Variants in KCNN2 observed in about 807,000 individuals in gnomAD.
KCNN2 encodes potassium calcium-activated channel subfamily N member 2.
KCNN2 carries 24 observed loss-of-function variants against 55.5 expected under a neutral mutation model. The ratio of observed to expected loss-of-function variants is 0.43; its 90% CI spans 0.31 to 0.61. KCNN2 has a LOEUF of 0.61. KCNN2 is among the 20% of genes least tolerant of loss of function. The pLI, the probability that KCNN2 is intolerant of heterozygous loss-of-function variation, is 0.08. For missense variants in KCNN2, 754 were observed against 853.6 expected, an observed-to-expected ratio of 0.88 and a Z score of 1.45; for synonymous variants, 431 against 336.1, an observed-to-expected ratio of 1.28 and a Z score of -3.09.
intron 1 of KCNN2, among the ~76,000 whole-genome samples, chr5:114,084,167 A>G (rs1750962859): frequency 6.6e-6 from 1 of 152,076 alleles, no homozygotes; most frequent in Non-Finnish European, 1.5e-5. Context: ...GTTCAGACAT[A>G]TGCTTTCAAG....
chr5:114,398,979 C>T (rs923005202), intron 2 of KCNN2, among the ~76,000 whole-genome samples: 13 of 152,160 alleles, frequency 8.5e-5, no homozygotes, highest in African/African-American at 3.1e-4. Flanking sequence ...AAAATCATGT[C>T]ACCTGCAAAC....
At chr5:114,477,709 C>G (rs1762032902) in intron 5 of KCNN2, among the ~76,000 whole-genome samples, 1 of 152,076 alleles carries the variant, frequency 6.6e-6, no homozygotes, top group African/African-American at 2.4e-5. Flanking sequence ...TCTGAGCAAA[C>G]AGGAAATCTT....
chr5:114,475,571 C>T (rs1463332925), intron 5 of KCNN2, among the ~76,000 whole-genome samples: 1 of 151,734 alleles, frequency 6.6e-6, no homozygotes, highest in Non-Finnish European at 1.5e-5. Flanking sequence ...ATATGGTTGT[C>T]ATGCTATGTT....
chr5:114,233,843 C>T (rs1203293844), intron 2 of KCNN2, among the ~76,000 whole-genome samples: 1 of 152,092 alleles, frequency 6.6e-6, no homozygotes, highest in African/African-American at 2.4e-5. Flanking sequence ...TTCCATTTTT[C>T]TTCTCTGTTC....
At chr5:114,392,656 A>G (rs941368849) in intron 2 of KCNN2, among the ~76,000 whole-genome samples, 3 of 152,086 alleles carry the variant, frequency 2.0e-5, no homozygotes, top group Admixed American at 2.0e-4. Context: ...CAACGAGACC[A>G]TTGAAAAGTC....
chr5:114,099,450 G>A (rs906220135), intron 1 of KCNN2, among the ~76,000 whole-genome samples: 4 of 152,086 alleles, frequency 2.6e-5, no homozygotes, highest in Admixed American at 1.3e-4. Flanking sequence ...GAAAAGTTAA[G>A]ACTATTATTA....
rs188127149 is a variant in KCNN2 at position 114,125,213 on chromosome 5, A to C, written c.-271+68713A>C. The stretch of plus-strand genomic sequence containing the variant: ...TTTGTACCCTCATGGTAGGTGTTAG[A>C]CTAAAAGTTAAACAAATAAAAACTC... On this transcript the variant is annotated intron_variant, in intron 1 of 10. Coordinates refer to the KCNN2 transcript ENST00000512097. Among the ~76,000 whole-genome samples the C allele has an allele frequency of 3.6e-3, 553 of 152,316 alleles. 3 individuals are homozygous for C. Among genetic ancestry groups the C allele is most frequent in the African/African-American group, 0.012 (509 of 41,576 alleles).
At chr5:114,423,760 C>A (rs918694120) in intron 3 of KCNN2, among the ~76,000 whole-genome samples, 3 of 152,118 alleles carry the variant, frequency 2.0e-5, no homozygotes, top group Non-Finnish European at 2.9e-5. Context: ...AAGGGACAAG[C>A]AAACAGGTCA....
chr5:114,343,475 G>A (rs1561578471), intron 2 of KCNN2, among the ~76,000 whole-genome samples: 1 of 152,034 alleles, frequency 6.6e-6, no homozygotes, highest in Non-Finnish European at 1.5e-5. Flanking sequence ...ATAAGAGGTA[G>A]GATTTAGAGG....
At chr5:114,442,974 G>GTT (rs80347008) in intron 3 of KCNN2, among the ~76,000 whole-genome samples, 10 of 151,654 alleles carry the variant, frequency 6.6e-5, no homozygotes, top group East Asian at 2.0e-4. Flanking sequence ...TTTTAAAGGT[G>GTT]TTTTTTTCAC....
At chr5:114,478,679 C>G (rs1762085716) in intron 5 of KCNN2, among the ~76,000 whole-genome samples, 1 of 152,110 alleles carries the variant, frequency 6.6e-6, no homozygotes, top group African/African-American at 2.4e-5. Context: ...TGAAATAAAA[C>G]CCGTCTGACT....
At chr5:114,170,408 A>C (rs1324859547) in intron 1 of KCNN2, among the ~76,000 whole-genome samples, 15 of 152,160 alleles carry the variant, frequency 9.9e-5, no homozygotes. Context: ...TGACTAGTAA[A>C]ATTTTTTTCA....
At chr5:114,110,809 T>G (rs1580523062) in intron 1 of KCNN2, among the ~76,000 whole-genome samples, 1 of 152,224 alleles carries the variant, frequency 6.6e-6, no homozygotes, top group East Asian at 1.9e-4. Context: ...AGACAGCTAC[T>G]TATCTTTCAA....
Position 114,356,049 on chromosome 5 carries a change from A to G in KCNN2, c.-184-4896A>G, listed in dbSNP as rs374310324. On this transcript the variant is annotated intron_variant, in intron 2 of 10. Transcript: ENST00000512097. ...AGGAAATGTCTGTGAGGCCCTTCAC[A>G]GGTAGTTTCTACTAATGAGAGGCGA... 3.9e-5 allele frequency among the ~76,000 whole-genome samples: 6 copies of G among 152,240 alleles called. No individual in the cohort carries two copies. In the East Asian group the frequency reaches 1.2e-3, roughly 29 times the overall value.
Position 114,496,134 on chromosome 5 carries a change from G to A in KCNN2, c.2328G>A (p.Arg776=). The A allele has an allele frequency of 6.2e-7, 1 of 1,614,032 alleles. No individual in the cohort carries two copies. Among genetic ancestry groups the A allele is most frequent in the Non-Finnish European group, 8.5e-7 (1 of 1,179,964 alleles). ...NAERSRSSSR[R]RRSSSTAPPT... ...AGCGGTCCCGGTCCTCGTCCAGGAG[G>A]CGGCGGTCCTCTTCCACAGCACCAC... is the stretch of plus-strand genomic sequence containing the variant. Residue 776 remains arginine (R), a synonymous_variant, in exon 8 of 8, where the codon AGG becomes AGA. Coordinates refer to ENST00000673685, the MANE Select transcript of KCNN2 (RefSeq NM_021614.4).
chr5:114,162,797 G>A (rs1352645795), intron 1 of KCNN2, among the ~76,000 whole-genome samples: 6 of 152,136 alleles, frequency 3.9e-5, no homozygotes, highest in Admixed American at 3.3e-4. Context: ...AGGACCCTCC[G>A]AGCCAGGTGT....
At chr5:114,167,637 TG>T (rs758262606) in intron 1 of KCNN2, among the ~76,000 whole-genome samples, 33 of 152,270 alleles carry the variant, frequency 2.2e-4, no homozygotes, top group Non-Finnish European at 3.7e-4. Context: ...TGTTATATTT[TG>T]ACCTCTTCCC....
chr5:114,128,162 A>C (rs1297378287), intron 1 of KCNN2, among the ~76,000 whole-genome samples: 1 of 152,104 alleles, frequency 6.6e-6, no homozygotes, highest in African/African-American at 2.4e-5. Context: ...ACCTGGTACC[A>C]ATTTACTGTA....
intron 3 of KCNN2, among the ~76,000 whole-genome samples, chr5:114,443,830 A>G (rs376221673): frequency 2.0e-5 from 3 of 152,326 alleles, no homozygotes; most frequent in Admixed American, 1.3e-4. Context: ...AAGTAAAGAG[A>G]TCTGGGTTAT....
Sources: gnomAD v4.1 joint callset for allele counts (sites outside exome capture counted in the v4.1 genomes callset) on GRCh38, gnomAD v4.1.1 for gene constraint, MANE v1.5 for transcripts, NCBI Gene and HGNC (gene_info 2026-07-23, HGNC 2026-07-21) for gene names.